Variants in MYT1L observed in about 807,000 individuals in gnomAD.
MYT1L encodes the protein myelin transcription factor 1 like, also known as myelin transcription factor 1-like protein.
A neutral mutation model predicts 126.7 loss-of-function variants in MYT1L; 12 were observed. The ratio of observed to expected loss-of-function variants is 0.09; its 90% confidence interval spans 0.06 to 0.15. The LOEUF (loss-of-function observed/expected upper bound fraction) is 0.15. Ranked by LOEUF, MYT1L falls within the 10% of genes least tolerant of loss-of-function variation. The pLI, the probability that MYT1L is intolerant of heterozygous loss-of-function variation, is 1.00. For missense variants in MYT1L, 979 were observed against 1,585.2 expected (o/e 0.62, Z 6.49); for synonymous variants, 541 against 604.2 (o/e 0.90, Z 1.53).
chr2:2,260,968 C>G (rs377513997), intron 2 of MYT1L, among the ~76,000 whole-genome samples: 1 of 152,158 alleles, frequency 6.6e-6, no homozygotes, highest in Non-Finnish European at 1.5e-5. Flanking sequence ...CTCTCAGGAG[C>G]CTGTCCTTGA....
chr2:2,295,589 C>CAGAGAGAGAGAGAG (rs1559583599), intron 1 of MYT1L, among the ~76,000 whole-genome samples: 1 of 40,300 alleles, frequency 2.5e-5, no homozygotes, highest in Non-Finnish European at 5.4e-5. Context: ...GAGAGACAGA[C>CAGAGAGAGAGAGAG]AGACAGAGAG....
At chr2:2,157,446 T>C (rs771173810) in intron 3 of MYT1L, among the ~76,000 whole-genome samples, 4 of 152,192 alleles carry the variant, frequency 2.6e-5, no homozygotes, top group Non-Finnish European at 5.9e-5. Context: ...TTTGTCACTT[T>C]TAGGGGAAAA....
chr2:2,036,810 A>G (rs2066906911), intron 4 of MYT1L, among the ~76,000 whole-genome samples: 1 of 152,218 alleles, frequency 6.6e-6, no homozygotes, highest in Admixed American at 6.5e-5. Flanking sequence ...AACTTAAGAC[A>G]TAAACATGTC....
At chr2:2,170,311 C>G (rs955696362) in intron 3 of MYT1L, among the ~76,000 whole-genome samples, 22 of 152,130 alleles carry the variant, frequency 1.4e-4, no homozygotes. Context: ...TGTTCTCTAC[C>G]GACGCTGTAA....
At chr2:2,196,927 T>C (rs930801311) in intron 2 of MYT1L, among the ~76,000 whole-genome samples, 18 of 152,032 alleles carry the variant, frequency 1.2e-4, no homozygotes, top group Non-Finnish European at 2.2e-4. Context: ...AGATTAAAAA[T>C]TGAACCCAAC....
chr2:2,226,261 C>A (rs565479013), intron 2 of MYT1L, among the ~76,000 whole-genome samples: 1 of 152,276 alleles, frequency 6.6e-6, no homozygotes, highest in East Asian at 1.9e-4. Flanking sequence ...AGGAACATAG[C>A]GGGGGCTTTT....
chr2:2,176,562 G>A (rs926821513), intron 2 of MYT1L, among the ~76,000 whole-genome samples: 9 of 150,568 alleles, frequency 6.0e-5, no homozygotes, highest in Non-Finnish European at 1.2e-4. Flanking sequence ...GCAGTGGCAC[G>A]ATCTTGGCTC....
chr2:2,268,033 G>A (rs906439187), intron 2 of MYT1L, among the ~76,000 whole-genome samples: 3 of 152,074 alleles, frequency 2.0e-5, no homozygotes, highest in African/African-American at 7.2e-5. Flanking sequence ...AGATTCGGGG[G>A]GATAGCAGAT....
intron 18 of MYT1L, among the ~76,000 whole-genome samples, chr2:1,864,029 C>A (rs1010762231): frequency 6.6e-6 from 1 of 152,132 alleles, no homozygotes; most frequent in Non-Finnish European, 1.5e-5. Flanking sequence ...GCTGGATGGG[C>A]GCCTGCCACT....
intron 2 of MYT1L, among the ~76,000 whole-genome samples, chr2:2,191,983 G>A (rs1416417528): frequency 6.6e-6 from 1 of 152,230 alleles, no homozygotes; most frequent in African/African-American, 2.4e-5. Context: ...ACTGCAGACG[G>A]CATCCTTGTC....
rs2054617134 is a variant in MYT1L at position 1,929,181 on chromosome 2, C to G, written c.506-5918G>C. ...TCATAAGAGGGGAGAAGTCACTTTC[C>G]CAGCCCGGGTGGCCTTCAGTCGGGC... On this transcript the variant is annotated intron_variant, in intron 9 of 24. Transcript: ENST00000647738. The surrounding 1 kb of genome is among the most constrained non-coding windows in gnomAD (Gnocchi z 4.7). Among the ~76,000 whole-genome samples, 1 of 152,158 alleles carries G rather than the reference C, an allele frequency of 6.6e-6. No individual in the cohort carries two copies. The highest frequency in any genetic ancestry group is 2.4e-5 in the African/African-American group (1 of 41,436).
chr2:1,885,276 C>G (rs2048033416), intron 18 of MYT1L: 1 of 152,710 alleles, frequency 6.5e-6, no homozygotes, highest in Admixed American at 6.5e-5. Flanking sequence ...TTGAACTGCT[C>G]TTGCTAATGC....
At chr2:1,862,804 G>A (rs2044870641) in intron 18 of MYT1L, among the ~76,000 whole-genome samples, 1 of 152,164 alleles carries the variant, frequency 6.6e-6, no homozygotes, top group South Asian at 2.1e-4. Context: ...AATCAGTGAC[G>A]TGTGTTCCCT....
At chr2:1,882,087 T>C (rs1247275943) in intron 18 of MYT1L, among the ~76,000 whole-genome samples, 3 of 152,298 alleles carry the variant, frequency 2.0e-5, no homozygotes, top group African/African-American at 7.2e-5. Context: ...CCTTCCCCGC[T>C]TTCCTCACGA....
rs142376396 is a variant in MYT1L, at chr2:2,113,332, C to G, written c.-303-59209G>C. 4.0e-3 allele frequency among the ~76,000 whole-genome samples: 611 copies of G among 152,238 alleles called. 5 individuals are homozygous for G. Among genetic ancestry groups the G allele is most frequent in the African/African-American group, 0.014 (582 of 41,540 alleles). ...TGCCCACTAAGCCTGCTGTATGATC[C>G]AGGTGCAAAAACAAAGCTGCCGTAG... is the stretch of plus-strand genomic sequence containing the variant. On this transcript the variant is annotated intron_variant, in intron 3 of 24. Transcript: ENST00000647738.
Position 1,887,675 on chromosome 2 carries a change from G to A in MYT1L, c.2521-66C>T. 3 of 1,607,482 alleles carry A rather than the reference G, an allele frequency of 1.9e-6. No homozygotes were observed. Among genetic ancestry groups the A allele is most frequent in the Non-Finnish European group, 2.6e-6 (3 of 1,175,292 alleles). On this transcript the variant is annotated intron_variant, in intron 16 of 24. Transcript: ENST00000647738. This position sits in a 1 kb window ranked among gnomAD's most constrained non-coding sequence, Gnocchi z 4.8. Reference sequence around the variant, plus strand: ...CATGGCACACAGACTGAGGGAGGTGGTTCGTGGCTCTGGGGTGGCCTCTAC... The same window carrying A: ...CATGGCACACAGACTGAGGGAGGTGATTCGTGGCTCTGGGGTGGCCTCTAC...
intron 8 of MYT1L, among the ~76,000 whole-genome samples, chr2:1,953,508 T>C (rs2058070198): frequency 6.6e-6 from 1 of 152,256 alleles, no homozygotes; most frequent in South Asian, 2.1e-4. Context: ...TTCAGGGTCA[T>C]GTGTTGTTAG....
At chr2:1,930,234 T>C (rs897081980) in intron 9 of MYT1L, among the ~76,000 whole-genome samples, 1 of 152,168 alleles carries the variant, frequency 6.6e-6, no homozygotes, top group Non-Finnish European at 1.5e-5. Flanking sequence ...TCAATACCTG[T>C]CACTTGATTG....
At chr2:1,891,961 G>T in intron 15 of MYT1L, 76 bp downstream of exon 15, 1 of 1,441,474 alleles carries the variant, frequency 6.9e-7, no homozygotes, top group Non-Finnish European at 9.1e-7. Flanking sequence ...CGAAAGCGCC[G>T]CGTGTCTCGG....
Sources: allele counts gnomAD v4.1 joint callset (sites outside exome capture counted in the v4.1 genomes callset), GRCh38; gene constraint gnomAD v4.1.1; non-coding constraint Gnocchi (gnomAD v3.1); transcripts MANE v1.5; gene names NCBI Gene and HGNC (gene_info 2026-07-23, HGNC 2026-07-21).